Variants in NR2F6 observed in about 807,000 individuals in gnomAD.
The protein encoded by NR2F6 is ERBA-related gene-2.
Under a neutral mutation model 26.5 loss-of-function variants are expected in NR2F6, and 16 were observed. The ratio of observed to expected loss-of-function variants is 0.60; its 90% CI spans 0.41 to 0.92. The LOEUF is 0.92. NR2F6 is among the 40% of genes least tolerant of loss of function. The pLI, the probability that NR2F6 is intolerant of heterozygous loss-of-function variation, is 0.00. For synonymous variants in NR2F6, 325 were observed against 305.0 expected, an observed-to-expected ratio of 1.07 and a Z score of -0.68; for missense variants, 536 against 631.7, an observed-to-expected ratio of 0.85 and a Z score of 1.62.
chr19:17,232,485 C>T lies in NR2F6; in HGVS notation c.1082G>A (p.Arg361His). Residue 361 changes from arginine to histidine, a missense_variant, in exon 4 of 4, where the codon CGC becomes CAC. Coordinates refer to ENST00000291442, the MANE Select transcript of NR2F6 (RefSeq NM_005234.4). The stretch of plus-strand genomic sequence containing the variant: ...GGAGATGAGGGAGGCAGGGACCGCG[C>T]GCAGGGCGGGGAGCCGCAGCAGCAG... ...GRLLLRLPAL[R>H]AVPASLISQL... is the part of the protein sequence containing the mutation. 1.9e-6 allele frequency: 3 copies of T among 1,612,364 alleles called. No individual in the cohort carries two copies. The highest frequency in any genetic ancestry group is 2.5e-6 in the Non-Finnish European group (3 of 1,179,518).
chr19:17,236,001 G>T lies in NR2F6; in HGVS notation c.438C>A (p.Pro146=). The part of the protein sequence containing the change: ...PGAVAASSGS[P]PGSALAAVAS... ...CCACTGCCGCCAGCGCCGAGCCCGG[G>T]GGGCTGCCCGAGGAGGCGGCCACGG... The change falls in exon 3 of 4, where the codon CCC becomes CCA. Residue 146 remains proline, a synonymous_variant. Transcript: ENST00000291442. The T allele has an allele frequency of 7.0e-7, 1 of 1,428,626 alleles. No homozygotes were observed. Among genetic ancestry groups the T allele is most frequent in the Non-Finnish European group, 9.1e-7 (1 of 1,096,392 alleles). 88.5% of individuals were successfully genotyped at this position (1,428,626 alleles called of 1,614,324 possible).
Position 17,235,980 on chromosome 19 carries a change from T to C in NR2F6, c.459A>G (p.Ala153=), listed in dbSNP as rs1273516911. ...SGSPPGSALA[A]VASGGDLFPG... The stretch of plus-strand genomic sequence containing the variant: ...GGAAGAGGTCTCCGCCGCTCGCCAC[T>C]GCCGCCAGCGCCGAGCCCGGGGGGC... The change falls in exon 3 of 4, where the codon GCA becomes GCG. Residue 153 remains alanine, a synonymous_variant. Transcript: ENST00000291442. This position sits in a 1 kb window ranked among gnomAD's most constrained non-coding sequence, Gnocchi z 5.0. 2 of 1,465,550 alleles carry C rather than the reference T, an allele frequency of 1.4e-6. No homozygotes were observed. Among genetic ancestry groups the C allele is most frequent in the Admixed American group, 2.4e-5 (1 of 42,060 alleles). 90.8% of individuals were successfully genotyped at this position (1,465,550 alleles called of 1,614,324 possible). A position where few individuals can be genotyped will look rare whatever the true frequency, so the allele number is the denominator to read the frequency against.
chr19:17,234,552 G>A (rs2073425294), intron 3 of NR2F6, among the ~76,000 whole-genome samples: 1 of 152,174 alleles, frequency 6.6e-6, no homozygotes, highest in South Asian at 2.1e-4. Context: ...CCAGGAGACA[G>A]GCTGGAGAGA....
chr19:17,241,278 T>C (rs1262481298), intron 1 of NR2F6, among the ~76,000 whole-genome samples: 8 of 152,138 alleles, frequency 5.3e-5, no homozygotes. Context: ...GTCATAGCAT[T>C]GTGGGGCCCC....
In NR2F6 at chr19:17,240,685, C is replaced by G; in HGVS notation, c.359G>C (p.Gly120Ala). The G allele has an allele frequency of 6.2e-7, 1 of 1,614,208 alleles. No individual in the cohort carries two copies. The highest frequency in any genetic ancestry group is 8.5e-7 in the Non-Finnish European group (1 of 1,180,022). ...YCRLKKCFRV[G>A]MRKEAVQRGR... is the part of the protein sequence containing the mutation. The stretch of plus-strand genomic sequence containing the variant: ...CACGTACTCACCCTCCTTCCTCATG[C>G]CCACCCGGAAGCACTTCTTGAGACG... The change falls in exon 2 of 4, where the codon GGC (glycine) becomes GCC (alanine). Residue 120 changes from glycine to alanine, a missense_variant. Transcript: ENST00000291442.
In NR2F6 at chr19:17,232,181, A is replaced by T; in HGVS notation, c.*171T>A. 1 of 970,186 alleles carries T rather than the reference A, an allele frequency of 1.0e-6. No homozygotes were observed. The allele number at this position is 970,186 out of a possible 1,614,324, so 60.1% of individuals were successfully genotyped here. A position where few individuals can be genotyped will look rare whatever the true frequency, so the allele number is the denominator to read the frequency against. On this transcript the variant is annotated 3_prime_UTR_variant, in exon 4 of 4. Coordinates refer to ENST00000291442, the MANE Select transcript of NR2F6 (RefSeq NM_005234.4). ...GGATGATCAGTCTCTTTTTGGTTTC[A>T]TGATCATTTAAAAAACAGAAAAGAC...
chr19:17,232,759 TC>T, intron 3 of NR2F6, 133 bp from the exon 4 acceptor site: 1 of 1,106,964 alleles, frequency 9.0e-7, no homozygotes, highest in Non-Finnish European at 1.2e-6. Context: ...ACGGCCACAG[TC>T]CCAGCACTTT....
In NR2F6 at chr19:17,232,326, C is replaced by T. The variant is rs377469330; in HGVS notation, c.*26G>A. ...CCTTGAGGTCTGTCTGCAGGCCTGGCCACAGCACACGTGGCCCCGTCATGG... is the reference window on the plus strand; with the variant it reads ...CCTTGAGGTCTGTCTGCAGGCCTGGTCACAGCACACGTGGCCCCGTCATGG... On this transcript the variant is annotated 3_prime_UTR_variant, in exon 4 of 4. Transcript: ENST00000291442. The T allele has an allele frequency of 3.1e-5, 50 of 1,613,424 alleles. No individual in the cohort carries two copies. In the African/African-American group the frequency reaches 5.2e-4, roughly 17 times the overall value.
In NR2F6 at chr19:17,235,860, C is replaced by A; in HGVS notation, c.579G>T (p.Ala193=). The A allele has an allele frequency of 1.4e-6, 2 of 1,467,726 alleles. No individual in the cohort carries two copies. Among genetic ancestry groups the A allele is most frequent in the Non-Finnish European group, 1.8e-6 (2 of 1,118,172 alleles). 90.9% of individuals were successfully genotyped at this position (1,467,726 alleles called of 1,614,324 possible). Residue 193 remains alanine, a synonymous_variant, in exon 3 of 4, where the codon GCG becomes GCT. Transcript: ENST00000291442. The surrounding 1 kb of genome is among the most constrained non-coding windows in gnomAD (Gnocchi z 5.0). ...CGTTGTCGATGCCCAGCACCGCGCC[C>A]GCCGCGCCGCCCCCTGCGCCGAAGC... is the stretch of plus-strand genomic sequence containing the variant. ...AGRFGAGGGA[A]GAVLGIDNVC...
At position 17,242,015 on chromosome 19, in the gene NR2F6, C is replaced by CA. The variant is rs1252341398; in HGVS notation, c.279-1251dup. 2.3e-3 allele frequency among the ~76,000 whole-genome samples: 295 copies of CA among 127,992 alleles called. 3 individuals are homozygous for CA. The highest frequency in any genetic ancestry group is 7.7e-3 in the African/African-American group (260 of 33,746). The allele number at this position is 127,992 out of a possible 152,430, so 84.0% of individuals were successfully genotyped here. A position where few individuals can be genotyped will look rare whatever the true frequency, so the allele number is the denominator to read the frequency against. On this transcript the variant is annotated intron_variant, in intron 1 of 3. Coordinates refer to ENST00000291442, the MANE Select transcript of NR2F6 (RefSeq NM_005234.4). ...AGGGTGACAGAGTGAGACTCTGTCT[C>CA]AAAAAAAAAGAAAAAAAAAAAGGCT...
rs1004092028 is a variant in NR2F6, at chr19:17,245,544, T to C, written c.-324A>G. On this transcript the variant is annotated 5_prime_UTR_variant, in exon 1 of 4. It removes an upstream start codon present in the reference 5' UTR. Transcript: ENST00000291442. This position sits in a 1 kb window ranked among gnomAD's most constrained non-coding sequence, Gnocchi z 5.0. ...GGCCCCGGCGGGGGCGCGCGGGCCA[T>C]GGCCCGGCCCGAGCCGCGCAGGGGG... 6.9e-6 allele frequency: 1 copy of C among 145,150 alleles called. No homozygotes were observed. Among genetic ancestry groups the C allele is most frequent in the Non-Finnish European group, 1.5e-5 (1 of 65,538 alleles). 9.0% of individuals were successfully genotyped at this position (145,150 alleles called of 1,614,324 possible).
rs575051494 is a variant in NR2F6, at chr19:17,232,727, A to T, written c.941-101T>A. On this transcript the variant is annotated intron_variant, in intron 3 of 3. Transcript: ENST00000291442. Reference sequence around the variant, plus strand: ...ACCACTCGCCACTGTGGGTAAGAACAGGGGGCCGGGCATGATGGCTCACGG... The same window carrying T: ...ACCACTCGCCACTGTGGGTAAGAACTGGGGGCCGGGCATGATGGCTCACGG... 10 of 1,382,810 alleles carry T rather than the reference A, an allele frequency of 7.2e-6. No homozygotes were observed. The East Asian group carries it at 2.4e-4, about 33-fold the overall frequency. 85.7% of individuals were successfully genotyped at this position (1,382,810 alleles called of 1,614,324 possible). A position where few individuals can be genotyped will look rare whatever the true frequency, so the allele number is the denominator to read the frequency against.
intron 1 of NR2F6, among the ~76,000 whole-genome samples, chr19:17,241,688 A>G (rs2073470159): frequency 6.6e-6 from 1 of 152,220 alleles, no homozygotes; most frequent in Non-Finnish European, 1.5e-5. Flanking sequence ...CAGGGGACAC[A>G]CAGAGACAGT....
chr19:17,232,182 T>C lies in NR2F6; in HGVS notation c.*170A>G. The C allele has an allele frequency of 1.0e-6, 1 of 984,754 alleles. No individual in the cohort carries two copies. Among genetic ancestry groups the C allele is most frequent in the East Asian group, 2.6e-5 (1 of 37,800 alleles). The allele number at this position is 984,754 out of a possible 1,614,324, so 61.0% of individuals were successfully genotyped here. ...GATGATCAGTCTCTTTTTGGTTTCA[T>C]GATCATTTAAAAAACAGAAAAGACA... is the stretch of plus-strand genomic sequence containing the variant. On this transcript the variant is annotated 3_prime_UTR_variant, in exon 4 of 4. Coordinates refer to ENST00000291442, the MANE Select transcript of NR2F6 (RefSeq NM_005234.4).
chr19:17,240,734 G>C lies in NR2F6; in HGVS notation c.310C>G (p.His104Asp), dbSNP rs1312731698. 6.2e-7 allele frequency: 1 copy of C among 1,614,082 alleles called. No individual in the cohort carries two copies. Among genetic ancestry groups the C allele is most frequent in the African/African-American group, 1.3e-5 (1 of 74,926 alleles). ...CGGCAGTACTGGCACTGGTTCCGGT[G>C]GTGCTGGTCGATCTGGCAGTCACGG... ...SNRDCQIDQH[H>D]RNQCQYCRLK... The change falls in exon 2 of 4, where the codon CAC (histidine) becomes GAC (aspartate). Residue 104 changes from histidine to aspartate, a missense_variant. His to Asp is a moderately conservative substitution (Grantham distance 81). Transcript: ENST00000291442.
At chr19:17,242,353 C>G (rs1331660003) in intron 1 of NR2F6, among the ~76,000 whole-genome samples, 1 of 152,184 alleles carries the variant, frequency 6.6e-6, no homozygotes, top group African/African-American at 2.4e-5. Context: ...ACAGATGAAT[C>G]TCAGCTGCAG....
rs2073493466 is a variant in NR2F6, at chr19:17,245,440, G to C, written c.-220C>G. On this transcript the variant is annotated 5_prime_UTR_variant, in exon 1 of 4. Transcript: ENST00000291442. This position sits in a 1 kb window ranked among gnomAD's most constrained non-coding sequence, Gnocchi z 5.0. ...CAGGCCAACTTTCCCACGCGTGCGC[G>C]GGGCCGGGCCCGGGGCCGGGAGGGG... 1 of 280,876 alleles carries C rather than the reference G, an allele frequency of 3.6e-6. No homozygotes were observed. The highest frequency in any genetic ancestry group is 2.3e-5 in the African/African-American group (1 of 44,264). 17.4% of individuals were successfully genotyped at this position (280,876 alleles called of 1,614,324 possible).
chr19:17,245,267 C>A lies in NR2F6; in HGVS notation c.-47G>T. ...GGGCGCCCCCACCGCGCTCTTCCCTCCGGGCACCCCTCTCGGCCCGGGGGA... is the reference window on the plus strand; with the variant it reads ...GGGCGCCCCCACCGCGCTCTTCCCTACGGGCACCCCTCTCGGCCCGGGGGA... On this transcript the variant is annotated 5_prime_UTR_variant, in exon 1 of 4. Transcript: ENST00000291442. The surrounding 1 kb of genome is among the most constrained non-coding windows in gnomAD (Gnocchi z 5.0). 8.3e-7 allele frequency: 1 copy of A among 1,211,264 alleles called. No individual in the cohort carries two copies. Among genetic ancestry groups the A allele is most frequent in the Non-Finnish European group, 1.0e-6 (1 of 976,060 alleles). The allele number at this position is 1,211,264 out of a possible 1,614,324, so 75.0% of individuals were successfully genotyped here.
At position 17,240,689 on chromosome 19, in the gene NR2F6, C is replaced by T; in HGVS notation, c.355G>A (p.Val119Met). Residue 119 changes from valine to methionine, a missense_variant, in exon 2 of 4, where the codon GTG becomes ATG. Transcript: ENST00000291442. ...TACTCACCCTCCTTCCTCATGCCCA[C>T]CCGGAAGCACTTCTTGAGACGGCAG... ...QYCRLKKCFR[V>M]GMRKEAVQRG... The T allele has an allele frequency of 1.2e-6, 2 of 1,614,222 alleles. No homozygotes were observed. Among genetic ancestry groups the T allele is most frequent in the Non-Finnish European group, 1.7e-6 (2 of 1,180,030 alleles).
Sources: allele counts gnomAD v4.1 joint callset (sites outside exome capture counted in the v4.1 genomes callset), GRCh38; gene constraint gnomAD v4.1.1; non-coding constraint Gnocchi (gnomAD v3.1); transcripts MANE v1.5; gene names NCBI Gene and HGNC (gene_info 2026-07-23, HGNC 2026-07-21).